PPFIBP1: variants seen among roughly 807,000 people sequenced by gnomAD.
PPFIBP1 encodes the protein PPFIB scaffold protein 1.
PPFIBP1 carries 112 observed loss-of-function variants against 137.8 expected under a neutral mutation model. The observed-to-expected ratio is 0.81, with a 90% CI of 0.70 to 0.95. PPFIBP1 has a LOEUF of 0.95. Ranked by LOEUF, PPFIBP1 falls within the 40% of genes least tolerant of loss-of-function variation. The pLI is 0.00. For missense variants in PPFIBP1, 1,083 were observed against 1,196.6 expected (o/e 0.91, Z 1.40); for synonymous variants, 378 against 417.3 (o/e 0.91, Z 1.15).
intron 1 of PPFIBP1, among the ~76,000 whole-genome samples, chr12:27,559,474 G>A (rs1198743374): frequency 6.6e-6 from 1 of 152,148 alleles, no homozygotes; most frequent in Admixed American, 6.5e-5. Flanking sequence ...ACCCATAATA[G>A]TGATTTTTCA....
intron 11 of PPFIBP1, among the ~76,000 whole-genome samples, chr12:27,662,923 C>A (rs1162720791): frequency 6.6e-6 from 1 of 152,072 alleles, no homozygotes; most frequent in African/African-American, 2.4e-5. Context: ...TTGTGACAGG[C>A]CACATTTATT....
chr12:27,667,518 C>T (rs762053226), intron 13 of PPFIBP1, among the ~76,000 whole-genome samples, 198 bp downstream of exon 13: 2 of 152,212 alleles, frequency 1.3e-5, no homozygotes, highest in Non-Finnish European at 2.9e-5. Context: ...TTTCTTCTGA[C>T]TTCTTTAGAC....
intron 8 of PPFIBP1, 98 bp downstream of exon 8, chr12:27,654,912 T>A: frequency 1.4e-6 from 2 of 1,449,098 alleles, no homozygotes; most frequent in Non-Finnish European, 1.8e-6. Flanking sequence ...TAATGTATGA[T>A]AAAGAAGGTA....
intron 1 of PPFIBP1, among the ~76,000 whole-genome samples, chr12:27,530,977 G>A (rs1000131999): frequency 6.6e-6 from 1 of 152,172 alleles, no homozygotes; most frequent in Non-Finnish European, 1.5e-5. Context: ...GACTCTGTGA[G>A]AAAAATAAAA....
At chr12:27,671,643 C>A in intron 14 of PPFIBP1, 97 bp downstream of exon 14, 1 of 723,090 alleles carries the variant, frequency 1.4e-6, no homozygotes, top group Non-Finnish European at 2.2e-6. Flanking sequence ...CAATTTTTAC[C>A]TAGAGAAGCA....
intron 2 of PPFIBP1, chr12:27,593,527 A>G: frequency 2.5e-6 from 1 of 395,540 alleles, no homozygotes; most frequent in Admixed American, 3.1e-5. Flanking sequence ...GACCTGAACC[A>G]TTTCTGGAGG....
chr12:27,577,629 A>G (rs1313077114), intron 1 of PPFIBP1, among the ~76,000 whole-genome samples: 1 of 152,256 alleles, frequency 6.6e-6, no homozygotes, highest in African/African-American at 2.4e-5. Flanking sequence ...TCCCCTAAGT[A>G]TGAGTTATTC....
chr12:27,656,465 G>A, intron 8 of PPFIBP1, 151 bp from the exon 9 acceptor site: 1 of 617,110 alleles, frequency 1.6e-6, no homozygotes, highest in South Asian at 1.7e-5. Flanking sequence ...GCTTTTCATT[G>A]CCCTTGTCTG....
At chr12:27,676,292 G>A in intron 17 of PPFIBP1, 136 bp from the exon 18 acceptor site, 1 of 587,756 alleles carries the variant, frequency 1.7e-6, no homozygotes. Context: ...TTTGACATTG[G>A]TGATCAATGT....
intron 1 of PPFIBP1, among the ~76,000 whole-genome samples, chr12:27,561,179 A>T (rs716367): frequency 1.3e-5 from 2 of 152,062 alleles, no homozygotes; most frequent in Non-Finnish European, 2.9e-5. Flanking sequence ...TGGAAGGGGA[A>T]GGGGTTTCTA....
chr12:27,593,830 C>A (rs1274436609), intron 2 of PPFIBP1: 13 of 1,322,316 alleles, frequency 9.8e-6, no homozygotes, highest in Non-Finnish European at 1.3e-5. Flanking sequence ...ATTGTCTCTT[C>A]ATGTGTTTCC....
Position 27,537,277 on chromosome 12 carries a change from G to A in PPFIBP1, c.-124+12912G>A, listed in dbSNP as rs892037038. Among the ~76,000 whole-genome samples, 3 of 152,212 alleles carry A rather than the reference G, an allele frequency of 2.0e-5. No homozygotes were observed. In the East Asian group the frequency reaches 5.8e-4, roughly 29 times the overall value. On this transcript the variant is annotated intron_variant, in intron 1 of 29. Coordinates refer to ENST00000228425, the MANE Select transcript of PPFIBP1 (RefSeq NM_003622.4). ...CTCCTGAGTAGCTGGGATTACAGATGCCTGCCACCACGTCCAGCTAATTTT... is the reference window on the plus strand; with the variant it reads ...CTCCTGAGTAGCTGGGATTACAGATACCTGCCACCACGTCCAGCTAATTTT...
intron 1 of PPFIBP1, among the ~76,000 whole-genome samples, chr12:27,561,678 C>T (rs1275767676): frequency 6.6e-6 from 1 of 152,130 alleles, no homozygotes; most frequent in East Asian, 1.9e-4. Flanking sequence ...CAGTTTGCTC[C>T]AGCCACAGCT....
chr12:27,543,271 A>T (rs1425611085), intron 1 of PPFIBP1, among the ~76,000 whole-genome samples: 1 of 152,262 alleles, frequency 6.6e-6, no homozygotes, highest in Non-Finnish European at 1.5e-5. Context: ...ACTTTAATTT[A>T]GAATTATAAT....
At chr12:27,601,709 A>G (rs141116373) in intron 2 of PPFIBP1, among the ~76,000 whole-genome samples, 1,607 of 152,300 alleles carry the variant, frequency 0.011, 34 homozygotes, top group African/African-American at 0.037. Context: ...ATGAGTTGAC[A>G]TAGTCCACAG....
intron 2 of PPFIBP1, among the ~76,000 whole-genome samples, chr12:27,603,359 C>T (rs999399791): frequency 2.0e-5 from 3 of 152,098 alleles, no homozygotes; most frequent in Admixed American, 6.5e-5. Flanking sequence ...ATTTTTATTG[C>T]ATAATTGAGG....
At chr12:27,574,237 T>A (rs1243882209) in intron 1 of PPFIBP1, among the ~76,000 whole-genome samples, 1 of 152,158 alleles carries the variant, frequency 6.6e-6, no homozygotes, top group Non-Finnish European at 1.5e-5. Context: ...TGTGGCTGGA[T>A]AGAGCTCTTT....
At position 27,664,580 on chromosome 12, in the gene PPFIBP1, A is replaced by G. The variant is rs560813591; in HGVS notation, c.991+134A>G. On this transcript the variant is annotated intron_variant, in intron 12 of 29. Transcript: ENST00000228425. ...AGGTAGCTAATTCGTTAATTGAACA[A>G]TTAGGCAACTGTACTCTGCCAGAAA... 8.2e-5 allele frequency: 52 copies of G among 631,380 alleles called. No individual in the cohort carries two copies. The African/African-American group carries it at 8.3e-4, about 10-fold the overall frequency. The allele number at this position is 631,380 out of a possible 1,614,324, so 39.1% of individuals were successfully genotyped here.
intron 3 of PPFIBP1, 131 bp from the exon 4 acceptor site, chr12:27,634,779 T>C: frequency 1.3e-6 from 1 of 769,884 alleles, no homozygotes; most frequent in Non-Finnish European, 2.1e-6. Flanking sequence ...GAGATTTATG[T>C]GATTGAATTC....
Sources: gnomAD v4.1 joint callset for allele counts (sites outside exome capture counted in the v4.1 genomes callset) on GRCh38, gnomAD v4.1.1 for gene constraint, MANE v1.5 for transcripts, NCBI Gene and HGNC (gene_info 2026-07-23, HGNC 2026-07-21) for gene names.